The following PTAR1 variants were observed in gnomAD, a reference collection of about 807,000 sequenced individuals.
PTAR1 encodes protein prenyltransferase alpha subunit repeat-containing protein 1.
PTAR1 carries 17 observed loss-of-function variants against 45.5 expected under a neutral mutation model. The ratio of observed to expected loss-of-function variants is 0.37; its 90% CI spans 0.26 to 0.56. The LOEUF (loss-of-function observed/expected upper bound fraction) is 0.56. Ranked by LOEUF, PTAR1 falls within the 20% of genes least tolerant of loss-of-function variation. The probability of loss-of-function intolerance (pLI) is 0.77; values close to 1 mark genes in which losing one functional copy is unlikely to be tolerated. For missense variants in PTAR1, 391 were observed against 476.3 expected, an observed-to-expected ratio of 0.82 and a Z score of 1.67; for synonymous variants, 169 against 171.3, an observed-to-expected ratio of 0.99 and a Z score of 0.11.
intron 1 of PTAR1, among the ~76,000 whole-genome samples, chr9:69,753,443 AT>A (rs1196206609): frequency 6.6e-6 from 1 of 152,114 alleles, no homozygotes; most frequent in African/African-American, 2.4e-5. Context: ...ATTATCTCTG[AT>A]TTTCTCCTAA....
rs1824548347 is a variant in PTAR1, at chr9:69,712,162, G to T, written c.*6180C>A. 1 of 152,102 alleles carries T rather than the reference G, an allele frequency of 6.6e-6. No individual in the cohort carries two copies. The highest frequency in any genetic ancestry group is 1.5e-5 in the Non-Finnish European group (1 of 67,996). 9.4% of individuals were successfully genotyped at this position (152,102 alleles called of 1,614,324 possible). A position where few individuals can be genotyped will look rare whatever the true frequency, so the allele number is the denominator to read the frequency against. On this transcript the variant is annotated 3_prime_UTR_variant, in exon 8 of 8. Coordinates refer to ENST00000340434, the MANE Select transcript of PTAR1 (RefSeq NM_001099666.2). ...TATAATGATAAATAAGCAATCTAAA[G>T]TATGCTGCATAGTACCTTGAGGAAA...
chr9:69,733,257 A>G (rs1357837576), intron 4 of PTAR1, among the ~76,000 whole-genome samples: 1 of 152,170 alleles, frequency 6.6e-6, no homozygotes, highest in Non-Finnish European at 1.5e-5. Context: ...CTTCTGTGGT[A>G]TACTATCTCA....
chr9:69,745,349 AGTG>A (rs1339645078), intron 2 of PTAR1, among the ~76,000 whole-genome samples: 22 of 152,358 alleles, frequency 1.4e-4, no homozygotes, highest in South Asian at 6.2e-4. Context: ...TTTTCTAAAA[AGTG>A]ATTATTCTAC....
chr9:69,747,075 A>G (rs1184915004), intron 2 of PTAR1, among the ~76,000 whole-genome samples: 1 of 152,232 alleles, frequency 6.6e-6, no homozygotes, highest in Non-Finnish European at 1.5e-5. Flanking sequence ...AGACTAAGCT[A>G]AAAACTCTTG....
At position 69,749,667 on chromosome 9, in the gene PTAR1, G is replaced by T. The variant is rs112070758; in HGVS notation, c.256+1114C>A. Among the ~76,000 whole-genome samples, 1,423 of 152,070 alleles carry T rather than the reference G, an allele frequency of 9.4e-3. 20 individuals carry two copies. Among genetic ancestry groups the T allele is most frequent in the African/African-American group, 0.031 (1,281 of 41,490 alleles). ...AGAGTCCCTTTCTATGGTATAAAAA[G>T]GGAAAAGTGTTATTAACCAATTAAT... On this transcript the variant is annotated intron_variant, in intron 2 of 7. Transcript: ENST00000340434.
Position 69,734,173 on chromosome 9 carries a change from CTT to C in PTAR1, c.403_404del (p.Lys135GlufsTer51). 1 of 1,510,014 alleles carries C rather than the reference CTT, an allele frequency of 6.6e-7. No individual in the cohort carries two copies. Among genetic ancestry groups the C allele is most frequent in the Non-Finnish European group, 9.0e-7 (1 of 1,114,902 alleles). 93.5% of individuals were successfully genotyped at this position (1,510,014 alleles called of 1,614,324 possible). On this transcript the variant is annotated frameshift_variant, in exon 4 of 8. Coordinates refer to ENST00000340434, the MANE Select transcript of PTAR1 (RefSeq NM_001099666.2). LOFTEE classifies it high-confidence loss of function. The part of the protein sequence containing the change: ...LGKLALTKFP[K>X]SPETWIHRRW... Reference sequence around the variant, plus strand: ...ACCTGTGAATCCATGTTTCTGGACTCTTTGGAAACTTGGTTAAGGCGAGTTTT... The same window carrying C: ...ACCTGTGAATCCATGTTTCTGGACTCTGGAAACTTGGTTAAGGCGAGTTTT...
intron 5 of PTAR1, among the ~76,000 whole-genome samples, chr9:69,728,970 T>C (rs182134558): frequency 6.6e-6 from 1 of 152,348 alleles, no homozygotes; most frequent in East Asian, 1.9e-4. Context: ...CCAAGCACTG[T>C]TTCAAACACT....
intron 2 of PTAR1, among the ~76,000 whole-genome samples, chr9:69,743,233 T>C (rs1421576347): frequency 6.6e-6 from 1 of 152,174 alleles, no homozygotes; most frequent in Non-Finnish European, 1.5e-5. Flanking sequence ...ATTTAAGCAA[T>C]TTGCCCGTAG....
chr9:69,748,153 A>T (rs928355335), intron 2 of PTAR1, among the ~76,000 whole-genome samples: 8 of 152,152 alleles, frequency 5.3e-5, no homozygotes, highest in African/African-American at 1.9e-4. Context: ...AGCCAAAGAA[A>T]TGGAGAGCAG....
In PTAR1 at chr9:69,737,090, T is replaced by C. The variant is rs568924590; in HGVS notation, c.324-2836A>G. ...CAATCACATAATCTAGTGCTATATA[T>C]TTTTTTTTAGATGGGGTCTCACTGT... is the stretch of plus-strand genomic sequence containing the variant. On this transcript the variant is annotated intron_variant, in intron 3 of 7. Transcript: ENST00000340434. Among the ~76,000 whole-genome samples the C allele has an allele frequency of 4.7e-5, 7 of 150,206 alleles. No homozygotes were observed. In the East Asian group the frequency reaches 1.2e-3, roughly 25 times the overall value.
intron 5 of PTAR1, among the ~76,000 whole-genome samples, chr9:69,728,609 G>A (rs745748462): frequency 1.2e-4 from 18 of 152,128 alleles, no homozygotes; most frequent in Admixed American, 7.2e-4. Context: ...CTTATTGGTG[G>A]TGTGGGTAGG....
chr9:69,756,892 C>T (rs1487061832), intron 1 of PTAR1, among the ~76,000 whole-genome samples: 1 of 152,194 alleles, frequency 6.6e-6, no homozygotes, highest in Non-Finnish European at 1.5e-5. Flanking sequence ...GCACATGGAG[C>T]CACTACGTAC....
In PTAR1 at chr9:69,717,566, G is replaced by C. The variant is rs879122825; in HGVS notation, c.*776C>G. 6.6e-6 allele frequency: 1 copy of C among 151,980 alleles called. No individual in the cohort carries two copies. The highest frequency in any genetic ancestry group is 2.4e-5 in the African/African-American group (1 of 41,386). 9.4% of individuals were successfully genotyped at this position (151,980 alleles called of 1,614,324 possible). ...ATAAATTCCAATACTTCTGACTTTG[G>C]TAATTGGGTAGAACATGCTAGAGAA... On this transcript the variant is annotated 3_prime_UTR_variant, in exon 8 of 8. Transcript: ENST00000340434.
In PTAR1 at chr9:69,718,265, T is replaced by G; in HGVS notation, c.*77A>C. The stretch of plus-strand genomic sequence containing the variant: ...ATGGTTAGCCAATAATAGTAAACAG[T>G]TCATGCAACTATGTAAATAATAAAA... On this transcript the variant is annotated 3_prime_UTR_variant, in exon 8 of 8. Coordinates refer to ENST00000340434, the MANE Select transcript of PTAR1 (RefSeq NM_001099666.2). The G allele has an allele frequency of 1.0e-6, 1 of 998,714 alleles. No homozygotes were observed. The highest frequency in any genetic ancestry group is 2.6e-5 in the East Asian group (1 of 38,696). 61.9% of individuals were successfully genotyped at this position (998,714 alleles called of 1,614,324 possible). A position where few individuals can be genotyped will look rare whatever the true frequency, so the allele number is the denominator to read the frequency against.
intron 3 of PTAR1, among the ~76,000 whole-genome samples, chr9:69,734,545 C>A (rs192588142): frequency 2.6e-5 from 4 of 152,022 alleles, no homozygotes; most frequent in South Asian, 2.1e-4. Flanking sequence ...TAACTATTTG[C>A]GTGAGGGTAA....
At chr9:69,719,297 T>A (rs1228308054) in intron 6 of PTAR1, among the ~76,000 whole-genome samples, 2 of 152,146 alleles carry the variant, frequency 1.3e-5, no homozygotes, top group Non-Finnish European at 2.9e-5. Context: ...AAAGATACAG[T>A]TCCTGTTCTC....
chr9:69,738,047 T>A (rs1288622727), intron 3 of PTAR1, among the ~76,000 whole-genome samples: 1 of 152,228 alleles, frequency 6.6e-6, no homozygotes, highest in Admixed American at 6.5e-5. Flanking sequence ...CCTTTTCCTC[T>A]TCTAAAGTTC....
intron 5 of PTAR1, among the ~76,000 whole-genome samples, chr9:69,729,334 AAAT>A (rs1391357423): frequency 1.3e-5 from 2 of 152,112 alleles, no homozygotes; most frequent in African/African-American, 4.8e-5. Flanking sequence ...ATAAATAAAT[AAAT>A]AATAATATTA....
rs2081312012 is a variant in PTAR1 at position 69,734,198 on chromosome 9, T to C, written c.380A>G (p.Lys127Arg). 3 of 1,598,238 alleles carry C rather than the reference T, an allele frequency of 1.9e-6. No individual in the cohort carries two copies. Among genetic ancestry groups the C allele is most frequent in the Non-Finnish European group, 2.6e-6 (3 of 1,171,182 alleles). Reference sequence around the variant, plus strand: ...CTTTGGAAACTTGGTTAAGGCGAGTTTTCCCAGATGTAAATCCTTAATTGG... The same window carrying C: ...CTTTGGAAACTTGGTTAAGGCGAGTCTTCCCAGATGTAAATCCTTAATTGG... ...LNPIKDLHLG[K>R]LALTKFPKSP... The change falls in exon 4 of 8, where the codon AAA becomes AGA. Residue 127 changes from lysine to arginine, a missense_variant. Lys to Arg is a conservative substitution (Grantham distance 26). Transcript: ENST00000340434.
Sources: gnomAD v4.1 joint callset for allele counts (sites outside exome capture counted in the v4.1 genomes callset) on GRCh38, gnomAD v4.1.1 for gene constraint, MANE v1.5 for transcripts, NCBI Gene and HGNC (gene_info 2026-07-23, HGNC 2026-07-21) for gene names.